The following ZBTB38 variants were observed in gnomAD, a reference collection of about 807,000 sequenced individuals.
ZBTB38 encodes the protein zinc finger and BTB domain-containing protein 38.
In ZBTB38, 20 loss-of-function variants were observed where a neutral mutation model predicts 76.8. That is an observed-to-expected ratio of 0.26 (90% CI 0.18 to 0.38). ZBTB38 has a LOEUF of 0.38. Among genes scored for constraint, ZBTB38 ranks in the 10% least tolerant of loss-of-function variants. ZBTB38 has a pLI of 1.00. For missense variants in ZBTB38, 1,082 were observed against 1,482.3 expected (o/e 0.73, Z 4.43); for synonymous variants, 504 against 544.2 (o/e 0.93, Z 1.03).
intron 4 of ZBTB38, among the ~76,000 whole-genome samples, chr3:141,390,406 C>T (rs900583458): frequency 2.3e-4 from 35 of 152,154 alleles, no homozygotes; most frequent in African/African-American, 7.7e-4. Flanking sequence ...ATGTGGTTTT[C>T]TGTTGGAATG....
rs757711708 is a variant in ZBTB38, at chr3:141,443,392, C to T, written c.1004C>T (p.Ala335Val). The T allele has an allele frequency of 1.9e-6, 3 of 1,614,220 alleles. No individual in the cohort carries two copies. In the South Asian group the frequency reaches 3.3e-5, roughly 18 times the overall value. Residue 335 changes from alanine (A) to valine (V), a missense_variant, in exon 6 of 6, where the codon GCA becomes GTA. Around this residue, in one of 8 missense-constraint regions of ZBTB38, gnomAD observed 324 missense variants for 359.1 expected, o/e 0.90. Transcript: ENST00000321464. This position sits in a 1 kb window ranked among gnomAD's most constrained non-coding sequence, Gnocchi z 5.6. Reference sequence around the variant, plus strand: ...TCTGATGTTCCCGGGCCGCCAGCCGCAGAGGTTCCACCTCTGGTGTACAAT... The same window carrying T: ...TCTGATGTTCCCGGGCCGCCAGCCGTAGAGGTTCCACCTCTGGTGTACAAT... The part of the protein sequence containing the change: ...QSSDVPGPPA[A>V]EVPPLVYNCS...
At chr3:141,418,497 C>T (rs1461634403) in intron 5 of ZBTB38, among the ~76,000 whole-genome samples, 1 of 152,208 alleles carries the variant, frequency 6.6e-6, no homozygotes, top group Non-Finnish European at 1.5e-5. Context: ...GTGAAGCACT[C>T]TCATCATCAT....
rs537546712 is a variant in ZBTB38, at chr3:141,433,620, GTAAC to G, written c.1-8766_1-8763del. On this transcript the variant is annotated intron_variant, in intron 5 of 5. Coordinates refer to ENST00000321464, the MANE Select transcript of ZBTB38 (RefSeq NM_001376113.1). Reference sequence around the variant, plus strand: ...ATAATAAAATAACATTTTATTAAAAGTAACTATTTTTTAAAACAAAAAAATAATG... The same window carrying G: ...ATAATAAAATAACATTTTATTAAAAGTATTTTTTAAAACAAAAAAATAATG... 3.5e-3 allele frequency among the ~76,000 whole-genome samples: 537 copies of G among 152,192 alleles called. 2 individuals are homozygous for G. Among genetic ancestry groups the G allele is most frequent in the African/African-American group, 0.012 (506 of 41,526 alleles).
chr3:141,422,866 G>T (rs1008658881), intron 5 of ZBTB38, among the ~76,000 whole-genome samples: 1 of 151,998 alleles, frequency 6.6e-6, no homozygotes, highest in African/African-American at 2.4e-5. Context: ...TTCTTTCAAA[G>T]TATTATAAAA....
chr3:141,434,098 C>A, intron 5 of ZBTB38: 1 of 615,638 alleles, frequency 1.6e-6, no homozygotes, highest in Non-Finnish European at 2.0e-6. Flanking sequence ...TCCCTGTACT[C>A]AAGGAGCTCA....
At chr3:141,392,649 T>G (rs767144737) in intron 4 of ZBTB38, 1 of 152,264 alleles carries the variant, frequency 6.6e-6, no homozygotes, top group Non-Finnish European at 1.5e-5. Context: ...AGCCACCGTA[T>G]GTCTGGCTGC....
chr3:141,445,534 T>C lies in ZBTB38; in HGVS notation c.3146T>C (p.Val1049Ala). The C allele has an allele frequency of 6.2e-7, 1 of 1,614,182 alleles. No individual in the cohort carries two copies. Among genetic ancestry groups the C allele is most frequent in the Non-Finnish European group, 8.5e-7 (1 of 1,180,032 alleles). The change falls in exon 6 of 6, where the codon GTG (valine) becomes GCG (alanine). Residue 1049 changes from valine (V) to alanine (A), a missense_variant. By Grantham distance (64) the Val-to-Ala change is moderately conservative (BLOSUM62 0). Transcript: ENST00000321464. This position sits in a 1 kb window ranked among gnomAD's most constrained non-coding sequence, Gnocchi z 6.5. ...QCKTCGRCFS[V>A]QGNLQKHERI... ...AAGACCTGCGGACGGTGCTTTTCGG[T>C]GCAAGGAAACTTACAGAAACATGAA... is the stretch of plus-strand genomic sequence containing the variant.
intron 5 of ZBTB38, among the ~76,000 whole-genome samples, chr3:141,428,907 CAG>C (rs2150401911): frequency 6.6e-6 from 1 of 152,242 alleles, no homozygotes; most frequent in South Asian, 2.1e-4. Flanking sequence ...GGAATTCAGA[CAG>C]ATGAAAATTG....
intron 4 of ZBTB38, among the ~76,000 whole-genome samples, chr3:141,390,663 C>T (rs1948579715): frequency 6.6e-6 from 1 of 152,174 alleles, no homozygotes; most frequent in Admixed American, 6.5e-5. Flanking sequence ...CCATGTGGTT[C>T]ATTCTAACAG....
intron 5 of ZBTB38, among the ~76,000 whole-genome samples, chr3:141,424,446 G>A (rs1213974770): frequency 6.6e-6 from 1 of 152,192 alleles, no homozygotes; most frequent in Non-Finnish European, 1.5e-5. Context: ...CTTGAGCCCA[G>A]GAGTTCCAGG....
chr3:141,365,146 A>G (rs960491007), upstream of ZBTB38, among the ~76,000 whole-genome samples: 3 of 152,246 alleles, frequency 2.0e-5, no homozygotes, highest in Admixed American at 6.5e-5. Context: ...TCAAGTGTTC[A>G]TCAACTGAGA....
intron 4 of ZBTB38, among the ~76,000 whole-genome samples, chr3:141,392,451 G>A (rs1316847010): frequency 6.6e-6 from 1 of 152,224 alleles, no homozygotes; most frequent in Non-Finnish European, 1.5e-5. Context: ...GTATGGACAA[G>A]TACAATTGTG....
chr3:141,421,196 T>A (rs553288000), intron 5 of ZBTB38, among the ~76,000 whole-genome samples: 2 of 152,130 alleles, frequency 1.3e-5, no homozygotes, highest in Non-Finnish European at 2.9e-5. Context: ...TCAACCACTT[T>A]AATAAGTGGG....
intron 4 of ZBTB38, among the ~76,000 whole-genome samples, chr3:141,400,905 CG>C (rs1951728095): frequency 6.6e-6 from 1 of 152,194 alleles, no homozygotes; most frequent in African/African-American, 2.4e-5. Context: ...GAATCCAAAG[CG>C]GAATTGCCTT....
intron 1 of ZBTB38, among the ~76,000 whole-genome samples, chr3:141,329,751 T>C (rs755518432): frequency 3.3e-5 from 5 of 152,160 alleles, no homozygotes; most frequent in Non-Finnish European, 5.9e-5. Flanking sequence ...TTTCAACCTC[T>C]ATTGCTTTTC....
At chr3:141,376,886 G>A (rs759737647) in intron 2 of ZBTB38, among the ~76,000 whole-genome samples, 21 of 152,234 alleles carry the variant, frequency 1.4e-4, no homozygotes, top group Non-Finnish European at 2.2e-4. Flanking sequence ...TGTTCAGTGG[G>A]TCCCAAGATT....
chr3:141,330,209 T>C (rs1417539867), intron 1 of ZBTB38, among the ~76,000 whole-genome samples: 4 of 152,074 alleles, frequency 2.6e-5, no homozygotes, highest in Non-Finnish European at 5.9e-5. Context: ...TCAGGGAGTG[T>C]GTCTGGTCCA....
rs551165141 is a variant in ZBTB38 at position 141,421,556 on chromosome 3, T to C, written c.-1+17525T>C. ...GGAGTAGCTGAAGAAATTGGAGATG[T>C]ATAGCCCAGGAAAGGGTAAACATTC... On this transcript the variant is annotated intron_variant, in intron 5 of 5. Transcript: ENST00000321464. 1.2e-4 allele frequency among the ~76,000 whole-genome samples: 19 copies of C among 152,228 alleles called. No individual in the cohort carries two copies. In the East Asian group the frequency reaches 3.5e-3, roughly 28 times the overall value.
intron 5 of ZBTB38, chr3:141,426,249 A>G (rs2076357796): frequency 8.3e-7 from 1 of 1,205,818 alleles, no homozygotes. Flanking sequence ...AGCAGGATGC[A>G]AAAGCACACC....
Sources: gnomAD v4.1 joint callset for allele counts (sites outside exome capture counted in the v4.1 genomes callset) on GRCh38, gnomAD v4.1.1 for gene constraint, gnomAD v4.1.1 regional missense constraint, Gnocchi (gnomAD v3.1) non-coding constraint, MANE v1.5 for transcripts, NCBI Gene and HGNC (gene_info 2026-07-23, HGNC 2026-07-21) for gene names.